Variants in NF1 observed in about 807,000 individuals in gnomAD.
NF1 encodes neurofibromin 1.
Under a neutral mutation model 325.7 loss-of-function variants are expected in NF1, and 122 were observed. The ratio of observed to expected loss-of-function variants is 0.37; its 90% CI spans 0.32 to 0.44. The LOEUF is 0.44. Ranked by LOEUF, NF1 falls within the 20% of genes least tolerant of loss-of-function variation. The pLI, the probability that NF1 is intolerant of heterozygous loss-of-function variation, is 1.00. For synonymous variants in NF1, 1,091 were observed against 1,186.0 expected, an observed-to-expected ratio of 0.92 and a Z score of 1.65; for missense variants, 2,140 against 3,415.4, an observed-to-expected ratio of 0.63 and a Z score of 9.31.
chr17:31,235,851 A>G, intron 28 of NF1, 67 bp from the exon 29 acceptor site: 5 of 1,610,356 alleles, frequency 3.1e-6, no homozygotes, highest in Non-Finnish European at 4.2e-6. Context: ...TGCAGGGCTG[A>G]TTGTCTTCTT....
intron 1 of NF1, among the ~76,000 whole-genome samples, chr17:31,141,486 T>C (rs1269641129): frequency 1.3e-5 from 2 of 152,174 alleles, no homozygotes; most frequent in African/African-American, 4.8e-5. Flanking sequence ...AGTTAGAATT[T>C]AAATGTTATC....
At chr17:31,304,662 T>C (rs749516640) in intron 36 of NF1, 4 of 1,614,208 alleles carry the variant, frequency 2.5e-6, no homozygotes, top group East Asian at 4.5e-5. Context: ...TATCTTCTGA[T>C]GTACCATTTA....
At chr17:31,242,015 G>C (rs1331821693) in intron 29 of NF1, among the ~76,000 whole-genome samples, 1 of 151,816 alleles carries the variant, frequency 6.6e-6, no homozygotes, top group African/African-American at 2.4e-5. Context: ...ACTGTTCTAA[G>C]GTAAAAGTTT....
At chr17:31,138,607 T>G (rs1294154822) in intron 1 of NF1, 2 of 151,900 alleles carry the variant, frequency 1.3e-5, no homozygotes, top group Admixed American at 1.3e-4. Flanking sequence ...TTTTTTTTTT[T>G]TTTTGAGTCA....
chr17:31,178,740 C>G (rs1012482617), intron 5 of NF1, among the ~76,000 whole-genome samples: 1 of 151,952 alleles, frequency 6.6e-6, no homozygotes, highest in African/African-American at 2.4e-5. Context: ...GACTTTAAAC[C>G]AACAAAAAAG....
chr17:31,316,340 T>A (rs766408880), intron 36 of NF1, among the ~76,000 whole-genome samples: 1 of 151,124 alleles, frequency 6.6e-6, no homozygotes, highest in Non-Finnish European at 1.5e-5. Flanking sequence ...GAAACACTTC[T>A]GTTTGTTCAG....
intron 7 of NF1, 145 bp downstream of exon 7, chr17:31,181,930 C>A: frequency 4.5e-6 from 3 of 666,794 alleles, no homozygotes; most frequent in Non-Finnish European, 5.3e-6. Context: ...ATAGGAAATA[C>A]TGTTTTTCTC....
rs199474777 is a variant in NF1 at position 31,227,260 on chromosome 17, G to T, written c.2294G>T (p.Arg765Leu). ...AAAAGAGTGATGGCACTGCTGAGGC[G>T]CATTGAGCATCCCACTGCAGGAAAC... is the stretch of plus-strand genomic sequence containing the variant. ...LQKRVMALLR[R>L]IEHPTAGNTE... Residue 765 changes from arginine (R) to leucine (L), a missense_variant, in exon 19 of 58, where the codon CGC becomes CTC. By Grantham distance (102) the Arg-to-Leu change is moderately radical. Transcript: ENST00000358273. The T allele has an allele frequency of 1.9e-6, 3 of 1,613,622 alleles. No individual in the cohort carries two copies. Among genetic ancestry groups the T allele is most frequent in the East Asian group, 2.2e-5 (1 of 44,880 alleles).
intron 29 of NF1, among the ~76,000 whole-genome samples, chr17:31,243,214 T>TGTGTGTGTGTGTG (rs1369781933): frequency 5.7e-5 from 4 of 70,554 alleles, no homozygotes; most frequent in African/African-American, 2.4e-4. Flanking sequence ...GTGTGTGTGT[T>TGTGTGTGTGTGTG]GAGCTGCCTG....
At chr17:31,225,284 T>G in intron 17 of NF1, 34 bp downstream of exon 17, 2 of 1,609,392 alleles carry the variant, frequency 1.2e-6, no homozygotes, top group Non-Finnish European at 1.7e-6. Flanking sequence ...TGTATCATTT[T>G]ATGTGCTCTG....
intron 56 of NF1, chr17:31,359,306 ATAATCT>A (rs1255673282): frequency 1.2e-5 from 5 of 408,894 alleles, no homozygotes; most frequent in African/African-American, 4.0e-5. Context: ...TGTGTATTTG[ATAATCT>A]TAATGCACAC....
intron 51 of NF1, among the ~76,000 whole-genome samples, chr17:31,353,108 C>T (rs1233716359): frequency 6.6e-6 from 1 of 152,062 alleles, no homozygotes; most frequent in African/African-American, 2.4e-5. Context: ...AGAGTTTCAC[C>T]ATGTTGGCCA....
At chr17:31,281,662 A>G (rs904925963) in intron 36 of NF1, among the ~76,000 whole-genome samples, 3 of 151,962 alleles carry the variant, frequency 2.0e-5, no homozygotes, top group Admixed American at 2.0e-4. Flanking sequence ...ATCATGGGAC[A>G]TTATCCTTTC....
intron 36 of NF1, among the ~76,000 whole-genome samples, chr17:31,315,665 C>A (rs1050670767): frequency 7.2e-5 from 11 of 152,136 alleles, no homozygotes; most frequent in African/African-American, 2.7e-4. Flanking sequence ...AAATGGAGAT[C>A]ATAATTCCTA....
At chr17:31,261,673 ACTG>A in intron 34 of NF1, 35 bp from the exon 35 acceptor site, 1 of 1,611,190 alleles carries the variant, frequency 6.2e-7, no homozygotes, top group Non-Finnish European at 8.5e-7. Flanking sequence ...CTAAATGTGA[ACTG>A]CTAATTTTTT....
intron 57 of NF1, 178 bp downstream of exon 57, chr17:31,360,881 T>G (rs2070381625): frequency 4.6e-6 from 3 of 646,654 alleles, no homozygotes; most frequent in South Asian, 1.8e-5. Flanking sequence ...CTTTCTACTT[T>G]CAAACAAGTT....
intron 48 of NF1, among the ~76,000 whole-genome samples, chr17:31,344,715 T>G (rs990447438): frequency 6.6e-6 from 1 of 152,264 alleles, no homozygotes; most frequent in Admixed American, 6.5e-5. Context: ...ACTACCTTAC[T>G]AAAGGATACC....
intron 36 of NF1, among the ~76,000 whole-genome samples, chr17:31,309,515 G>A (rs986001227): frequency 6.6e-6 from 1 of 152,004 alleles, no homozygotes; most frequent in Non-Finnish European, 1.5e-5. Flanking sequence ...AAAAAAAGGC[G>A]GGGGGACTTC....
At chr17:31,279,486 T>C (rs2068076608) in intron 36 of NF1, among the ~76,000 whole-genome samples, 1 of 152,086 alleles carries the variant, frequency 6.6e-6, no homozygotes, top group Non-Finnish European at 1.5e-5. Context: ...CAGTTGTTTT[T>C]CAAGAAACTA....
Sources: allele counts gnomAD v4.1 joint callset (sites outside exome capture counted in the v4.1 genomes callset), GRCh38; gene constraint gnomAD v4.1.1; transcripts MANE v1.5; gene names NCBI Gene and HGNC (gene_info 2026-07-23, HGNC 2026-07-21).